Variants in SLC24A3 observed in about 807,000 individuals in gnomAD.
The protein encoded by SLC24A3 is solute carrier family 24 member 3.
SLC24A3 carries 28 observed loss-of-function variants against 75.8 expected under a neutral mutation model. The ratio of observed to expected loss-of-function variants is 0.37; its 90% confidence interval spans 0.27 to 0.51. The LOEUF is 0.51. Ranked by LOEUF, SLC24A3 falls within the 20% of genes least tolerant of loss-of-function variation. SLC24A3 has a pLI of 0.94. For synonymous variants in SLC24A3, 372 were observed against 334.1 expected, an observed-to-expected ratio of 1.11 and a Z score of -1.24; for missense variants, 663 against 847.8, an observed-to-expected ratio of 0.78 and a Z score of 2.71.
chr20:19,363,213 A>G (rs1985824189), intron 2 of SLC24A3, among the ~76,000 whole-genome samples: 1 of 152,166 alleles, frequency 6.6e-6, no homozygotes, highest in South Asian at 2.1e-4. Flanking sequence ...ACAAGCATGG[A>G]TCAGTAGGGC....
intron 3 of SLC24A3, among the ~76,000 whole-genome samples, chr20:19,542,999 C>T (rs946361343): frequency 7.9e-5 from 12 of 152,164 alleles, no homozygotes; most frequent in Admixed American, 6.5e-4. Flanking sequence ...GAAAGGGTTA[C>T]ATTAAGGTAT....
chr20:19,592,122 G>C (rs1241895783), intron 6 of SLC24A3, among the ~76,000 whole-genome samples: 1 of 152,126 alleles, frequency 6.6e-6, no homozygotes, highest in African/African-American at 2.4e-5. Context: ...AGTATTATCA[G>C]TACTATTTTG....
At chr20:19,389,867 A>G (rs1242880502) in intron 2 of SLC24A3, among the ~76,000 whole-genome samples, 4 of 152,018 alleles carry the variant, frequency 2.6e-5, no homozygotes, top group South Asian at 4.1e-4. Context: ...TCTTATTGGT[A>G]TGCTTGATTG....
Position 19,722,794 on chromosome 20 carries a change from C to G in SLC24A3, c.*1654C>G, listed in dbSNP as rs1370297587. 6.6e-6 allele frequency: 1 copy of G among 152,546 alleles called. No homozygotes were observed. The highest frequency in any genetic ancestry group is 1.5e-5 in the Non-Finnish European group (1 of 68,040). The allele number at this position is 152,546 out of a possible 1,614,324, so 9.4% of individuals were successfully genotyped here. A position where few individuals can be genotyped will look rare whatever the true frequency, so the allele number is the denominator to read the frequency against. On this transcript the variant is annotated 3_prime_UTR_variant, in exon 17 of 17. Coordinates refer to ENST00000328041, the MANE Select transcript of SLC24A3 (RefSeq NM_020689.4). Reference sequence around the variant, plus strand: ...GGAGAAGAAATCACCAATTTGGGCTCTCAGAGCTAAGACACACTTATTGAT... The same window carrying G: ...GGAGAAGAAATCACCAATTTGGGCTGTCAGAGCTAAGACACACTTATTGAT...
rs752086598 is a variant in SLC24A3, at chr20:19,610,899, G to A, written c.612+25355G>A. Among the ~76,000 whole-genome samples the A allele has an allele frequency of 2.0e-5, 3 of 152,236 alleles. No homozygotes were observed. The South Asian group carries it at 6.2e-4, about 31-fold the overall frequency. On this transcript the variant is annotated intron_variant, in intron 6 of 16. Transcript: ENST00000328041. ...CGGGCCACCAGGGCACTTGGACAGAGTTGCGGGCACTGGAAGCTGGAAGTC... is the reference window on the plus strand; with the variant it reads ...CGGGCCACCAGGGCACTTGGACAGAATTGCGGGCACTGGAAGCTGGAAGTC...
At chr20:19,314,285 T>A (rs1252220747) in intron 2 of SLC24A3, among the ~76,000 whole-genome samples, 1 of 130,806 alleles carries the variant, frequency 7.6e-6, no homozygotes, top group African/African-American at 2.8e-5. Flanking sequence ...TTATTTATTT[T>A]ATTTTATTTT....
chr20:19,559,598 T>C (rs1326205459), intron 3 of SLC24A3, among the ~76,000 whole-genome samples: 1 of 152,172 alleles, frequency 6.6e-6, no homozygotes, highest in Non-Finnish European at 1.5e-5. Context: ...TCCTATATTT[T>C]CTTCTAGAGG....
chr20:19,691,641 C>A (rs1175792344), intron 12 of SLC24A3, among the ~76,000 whole-genome samples: 1 of 152,098 alleles, frequency 6.6e-6, no homozygotes, highest in African/African-American at 2.4e-5. Context: ...CTGGCCCCAG[C>A]GGAGGCTGTG....
At chr20:19,654,299 C>G (rs1295889886) in intron 7 of SLC24A3, among the ~76,000 whole-genome samples, 163 bp downstream of exon 7, 2 of 151,988 alleles carry the variant, frequency 1.3e-5, no homozygotes, top group Non-Finnish European at 2.9e-5. Flanking sequence ...CTTTGATCAC[C>G]CAGAACTCCA....
intron 2 of SLC24A3, among the ~76,000 whole-genome samples, chr20:19,303,356 G>T (rs538988046): frequency 3.3e-5 from 5 of 152,254 alleles, no homozygotes; most frequent in African/African-American, 1.2e-4. Flanking sequence ...TTTTCTTACG[G>T]CTGCATGGTA....
At chr20:19,556,116 C>A (rs1254955505) in intron 3 of SLC24A3, among the ~76,000 whole-genome samples, 1 of 152,044 alleles carries the variant, frequency 6.6e-6, no homozygotes, top group Admixed American at 6.6e-5. Flanking sequence ...TGATCCCATT[C>A]ATGAGGGGTC....
At chr20:19,470,630 T>C (rs1295890641) in intron 2 of SLC24A3, among the ~76,000 whole-genome samples, 1 of 152,164 alleles carries the variant, frequency 6.6e-6, no homozygotes, top group Admixed American at 6.5e-5. Flanking sequence ...ACATGACTAC[T>C]ATTGGCTGAT....
chr20:19,443,430 T>C (rs977547675), intron 2 of SLC24A3, among the ~76,000 whole-genome samples: 2 of 152,200 alleles, frequency 1.3e-5, no homozygotes, highest in Non-Finnish European at 2.9e-5. Flanking sequence ...TGTTATTTGG[T>C]GCTAATATAA....
chr20:19,330,447 C>T (rs1388158981), intron 2 of SLC24A3, among the ~76,000 whole-genome samples: 1 of 152,218 alleles, frequency 6.6e-6, no homozygotes, highest in Non-Finnish European at 1.5e-5. Context: ...AAATTATCCT[C>T]TTTTATACAG....
chr20:19,392,507 G>A (rs1568606756), intron 2 of SLC24A3, among the ~76,000 whole-genome samples: 1 of 152,318 alleles, frequency 6.6e-6, no homozygotes, highest in Middle Eastern at 3.4e-3. Context: ...TGTGAGCTTT[G>A]CTGTGGCTTC....
At chr20:19,315,415 C>T (rs1984564039) in intron 2 of SLC24A3, among the ~76,000 whole-genome samples, 1 of 152,142 alleles carries the variant, frequency 6.6e-6, no homozygotes, top group Non-Finnish European at 1.5e-5. Context: ...GATTTTCTAT[C>T]CAGCACCAAA....
At chr20:19,326,446 C>G (rs1984864546) in intron 2 of SLC24A3, among the ~76,000 whole-genome samples, 1 of 152,188 alleles carries the variant, frequency 6.6e-6, no homozygotes, top group Non-Finnish European at 1.5e-5. Flanking sequence ...CCAAATCCAC[C>G]TGGAAGCCAG....
chr20:19,698,835 G>A (rs952850778), intron 15 of SLC24A3, among the ~76,000 whole-genome samples, 155 bp downstream of exon 15: 2 of 152,174 alleles, frequency 1.3e-5, no homozygotes, highest in African/African-American at 2.4e-5. Flanking sequence ...GGCCTTACTA[G>A]TCAGGCTTGC....
At chr20:19,246,746 GTC>G (rs1322685858) in intron 1 of SLC24A3, among the ~76,000 whole-genome samples, 1 of 151,986 alleles carries the variant, frequency 6.6e-6, no homozygotes, top group Admixed American at 6.6e-5. Flanking sequence ...CCTATTCTTT[GTC>G]TCTCTCTCCC....
Sources: gnomAD v4.1 joint callset for allele counts (sites outside exome capture counted in the v4.1 genomes callset) on GRCh38, gnomAD v4.1.1 for gene constraint, MANE v1.5 for transcripts, NCBI Gene and HGNC (gene_info 2026-07-23, HGNC 2026-07-21) for gene names.